WDR27: variants seen among roughly 807,000 people sequenced by gnomAD.
WDR27 encodes the protein WD repeat-containing protein 27.
In WDR27, 100 loss-of-function variants were observed where a neutral mutation model predicts 114.4. The observed-to-expected ratio is 0.87, with a 90% CI of 0.74 to 1.03. WDR27 has a LOEUF of 1.03. Ranked by LOEUF, WDR27 falls within the 50% of genes least tolerant of loss-of-function variation. The probability of loss-of-function intolerance (pLI) is 0.00; values close to 1 mark genes in which losing one functional copy is unlikely to be tolerated. For synonymous variants in WDR27, 449 were observed against 423.1 expected (o/e 1.06, Z -0.75); for missense variants, 1,129 against 1,092.9 (o/e 1.03, Z -0.47).
chr6:169,675,393 C>T (rs1258772918), intron 2 of WDR27, among the ~76,000 whole-genome samples: 1 of 152,170 alleles, frequency 6.6e-6, no homozygotes, highest in African/African-American at 2.4e-5. Flanking sequence ...AGAAGCCAAG[C>T]ATTTGTTGGT....
intron 25 of WDR27, among the ~76,000 whole-genome samples, chr6:169,518,681 TC>T (rs1179252854): frequency 6.6e-6 from 1 of 152,360 alleles, no homozygotes; most frequent in East Asian, 1.9e-4. Flanking sequence ...GAGGCCTTTT[TC>T]CCATTGTCTT....
chr6:169,592,243 T>TTTG (rs938237414), intron 23 of WDR27, among the ~76,000 whole-genome samples: 8 of 151,942 alleles, frequency 5.3e-5, no homozygotes, highest in Admixed American at 2.0e-4. Flanking sequence ...CTACTGGCAT[T>TTTG]TTGTTGTTGT....
At chr6:169,497,370 A>G (rs1790539174) in intron 25 of WDR27, among the ~76,000 whole-genome samples, 1 of 152,120 alleles carries the variant, frequency 6.6e-6, no homozygotes, top group African/African-American at 2.4e-5. Flanking sequence ...TGGGTATAAC[A>G]CTCAAAGGCA....
At chr6:169,488,212 T>C (rs1357929104) in intron 25 of WDR27, among the ~76,000 whole-genome samples, 1 of 152,228 alleles carries the variant, frequency 6.6e-6, no homozygotes, top group African/African-American at 2.4e-5. Flanking sequence ...CACTCATGCA[T>C]TGGGGCTGCA....
chr6:169,466,502 T>C (rs1446031295), intron 25 of WDR27, among the ~76,000 whole-genome samples: 1 of 152,190 alleles, frequency 6.6e-6, no homozygotes, highest in Non-Finnish European at 1.5e-5. Context: ...AATTCACTCA[T>C]CATCATGAGA....
At chr6:169,604,974 G>A (rs970157033) in intron 22 of WDR27, among the ~76,000 whole-genome samples, 4 of 151,622 alleles carry the variant, frequency 2.6e-5, no homozygotes, top group Admixed American at 2.6e-4. Context: ...ATATACAACA[G>A]TCCAATAGCC....
At chr6:169,682,682 A>T (rs1459736243) in intron 2 of WDR27, among the ~76,000 whole-genome samples, 2 of 152,224 alleles carry the variant, frequency 1.3e-5, no homozygotes, top group Non-Finnish European at 2.9e-5. Flanking sequence ...CATGTCCACA[A>T]GCATCAGCAA....
rs965757219 is a variant in WDR27 at position 169,701,805 on chromosome 6, C to T, written c.-262G>A. 16 of 294,710 alleles carry T rather than the reference C, an allele frequency of 5.4e-5. No homozygotes were observed. Among genetic ancestry groups the T allele is most frequent in the African/African-American group, 3.1e-4 (13 of 42,350 alleles). The allele number at this position is 294,710 out of a possible 1,614,324, so 18.3% of individuals were successfully genotyped here. ...CCTTTCCTAGAGACCTCAGCGGAGC[C>T]GCGAGCAACCGCGCAGCCCCCGCGC... On this transcript the variant is annotated 5_prime_UTR_variant, in exon 1 of 26. Coordinates refer to ENST00000448612, the MANE Select transcript of WDR27 (RefSeq NM_182552.5).
At chr6:169,551,107 A>T (rs962564341) in intron 25 of WDR27, among the ~76,000 whole-genome samples, 5 of 152,214 alleles carry the variant, frequency 3.3e-5, no homozygotes, top group Non-Finnish European at 5.9e-5. Context: ...ATACTATAAA[A>T]TTCCAAAGGC....
intron 25 of WDR27, among the ~76,000 whole-genome samples, chr6:169,523,580 G>C (rs548567640): frequency 2.0e-5 from 3 of 152,026 alleles, no homozygotes; most frequent in African/African-American, 7.2e-5. Flanking sequence ...CCATTAAAAA[G>C]ATCATTCACT....
chr6:169,451,438 C>T, the WDR27 span, among the ~76,000 whole-genome samples: 1 of 152,212 alleles, frequency 6.6e-6, no homozygotes, highest in South Asian at 2.1e-4. Flanking sequence ...GGCACGTCCT[C>T]AACCTTGGCA....
At chr6:169,613,498 G>C in intron 22 of WDR27, 61 bp downstream of exon 22, 1 of 1,327,280 alleles carries the variant, frequency 7.5e-7, no homozygotes, top group Admixed American at 1.8e-5. Context: ...AAAGAGATCA[G>C]ATTGAGCTTA....
intron 25 of WDR27, among the ~76,000 whole-genome samples, chr6:169,551,858 C>T (rs979070045): frequency 2.0e-5 from 3 of 152,152 alleles, no homozygotes; most frequent in Admixed American, 6.5e-5. Context: ...CACGCAACTC[C>T]GCTGCTGCTA....
At chr6:169,523,278 T>C (rs1365605920) in intron 25 of WDR27, among the ~76,000 whole-genome samples, 1 of 152,008 alleles carries the variant, frequency 6.6e-6, no homozygotes, top group Non-Finnish European at 1.5e-5. Flanking sequence ...TAATGAGTAA[T>C]GAGATCAAAG....
intron 25 of WDR27, among the ~76,000 whole-genome samples, chr6:169,512,411 C>T (rs1470513072): frequency 6.6e-6 from 1 of 152,052 alleles, no homozygotes; most frequent in African/African-American, 2.4e-5. Flanking sequence ...GGTTCTTTAT[C>T]CTAGAATGAC....
chr6:169,462,627 T>C (rs953260825), intron 25 of WDR27, among the ~76,000 whole-genome samples: 4 of 152,202 alleles, frequency 2.6e-5, no homozygotes, highest in African/African-American at 7.2e-5. Flanking sequence ...AAACATTTCC[T>C]ATCTCATTCC....
At chr6:169,577,623 G>A (rs1802626436) in intron 24 of WDR27, among the ~76,000 whole-genome samples, 2 of 152,190 alleles carry the variant, frequency 1.3e-5, no homozygotes, top group South Asian at 2.1e-4. Context: ...CCGGCCCTGC[G>A]TGGGGAGCTT....
At chr6:169,502,276 G>A (rs750026531) in intron 25 of WDR27, among the ~76,000 whole-genome samples, 19 of 152,154 alleles carry the variant, frequency 1.2e-4, no homozygotes, top group Non-Finnish European at 2.4e-4. Context: ...TGGACAGGCC[G>A]GACTCACGTG....
chr6:169,656,453 A>G (rs80186648), intron 13 of WDR27, among the ~76,000 whole-genome samples: 105 of 151,944 alleles, frequency 6.9e-4, no homozygotes, highest in East Asian at 6.4e-3. Context: ...GCTGCTGTCA[A>G]TTGTTAAGGA....
Sources: allele counts gnomAD v4.1 joint callset (sites outside exome capture counted in the v4.1 genomes callset), GRCh38; gene constraint gnomAD v4.1.1; transcripts MANE v1.5; gene names NCBI Gene and HGNC (gene_info 2026-07-23, HGNC 2026-07-21).